Variants in CALN1 observed in about 807,000 individuals in gnomAD.
The protein encoded by CALN1 is calneuron 1.
In CALN1, 17 loss-of-function variants were observed where a neutral mutation model predicts 30.6. The observed-to-expected ratio is 0.56, with a 90% CI of 0.38 to 0.83. CALN1 has a LOEUF of 0.83. CALN1 is among the 40% of genes least tolerant of loss of function. CALN1 has a pLI of 0.00. For synonymous variants in CALN1, 156 were observed against 131.4 expected (o/e 1.19, Z -1.28); for missense variants, 291 against 354.9 (o/e 0.82, Z 1.45).
intron 2 of CALN1, among the ~76,000 whole-genome samples, chr7:72,397,751 C>CACACACACACACACACACACACA (rs869209266): frequency 6.8e-6 from 1 of 147,498 alleles, no homozygotes; most frequent in Non-Finnish European, 1.5e-5. Context: ...CACACACACA[C>CACACACACACACACACACACACA]CTTGCTCCAA....
intron 3 of CALN1, among the ~76,000 whole-genome samples, chr7:72,229,000 A>G (rs896447063): frequency 5.0e-4 from 74 of 149,394 alleles, no homozygotes; most frequent in African/African-American, 1.8e-3. Context: ...CTGGTCTTGA[A>G]CTCCTGGGCT....
chr7:71,899,875 T>C (rs922543748), intron 5 of CALN1, among the ~76,000 whole-genome samples: 1 of 152,188 alleles, frequency 6.6e-6, no homozygotes, highest in Non-Finnish European at 1.5e-5. Flanking sequence ...GAAATTCTCA[T>C]CACATAAATA....
At chr7:72,225,739 C>T (rs1793625285) in intron 3 of CALN1, among the ~76,000 whole-genome samples, 1 of 152,132 alleles carries the variant, frequency 6.6e-6, no homozygotes, top group African/African-American at 2.4e-5. Flanking sequence ...TTTCTGAGCT[C>T]CTAGCGAGTA....
chr7:71,831,890 A>C (rs1789304150), intron 5 of CALN1, among the ~76,000 whole-genome samples: 1 of 149,918 alleles, frequency 6.7e-6, no homozygotes, highest in Admixed American at 6.7e-5. Context: ...AAAAAAAAAA[A>C]AAAAAAACAA....
chr7:72,412,650 C>T (rs1185612398), upstream of CALN1, among the ~76,000 whole-genome samples: 2 of 152,230 alleles, frequency 1.3e-5, no homozygotes, highest in African/African-American at 4.8e-5. Context: ...GGAGGAGCAG[C>T]CCCAGCCCTT....
At chr7:71,838,760 A>G (rs1789765662) in intron 5 of CALN1, among the ~76,000 whole-genome samples, 1 of 152,048 alleles carries the variant, frequency 6.6e-6, no homozygotes, top group Non-Finnish European at 1.5e-5. Context: ...ATGGTTTTAT[A>G]AGGGGCTTTT....
intron 5 of CALN1, among the ~76,000 whole-genome samples, chr7:71,921,666 C>T (rs572144785): frequency 3.3e-4 from 51 of 152,240 alleles, no homozygotes; most frequent in African/African-American, 9.9e-4. Context: ...ATATCTACCA[C>T]GTTAGGATTA....
At chr7:72,417,631 A>G (rs1032606926) in intron 1 of CALN1, among the ~76,000 whole-genome samples, 1 of 152,248 alleles carries the variant, frequency 6.6e-6, no homozygotes, top group African/African-American at 2.4e-5. Context: ...GTTCAATCCA[A>G]TAGACTGAAA....
At chr7:72,109,900 C>T (rs1194430329) in intron 3 of CALN1, among the ~76,000 whole-genome samples, 2 of 138,312 alleles carry the variant, frequency 1.4e-5, no homozygotes, top group Admixed American at 7.3e-5. Flanking sequence ...GGTGTGATGT[C>T]CTTCCAGCCT....
At chr7:72,228,312 A>G (rs1052990494) in intron 3 of CALN1, among the ~76,000 whole-genome samples, 8 of 150,662 alleles carry the variant, frequency 5.3e-5, no homozygotes, top group African/African-American at 2.4e-5. Flanking sequence ...ATGTAACTCC[A>G]CTCCTGAGCT....
Position 71,837,243 on chromosome 7 carries a change from CAAAAAA to C in CALN1, c.502-26757_502-26752del, listed in dbSNP as rs55977265. On this transcript the variant is annotated intron_variant, in intron 5 of 6. Coordinates refer to ENST00000395275, the MANE Select transcript of CALN1 (RefSeq NM_031468.4). ...CGAAACTCCATCTCAAAAAAAAAGA[CAAAAAA>C]AAAAAAAAAAAAAAAAGCCACAAAG... Among the ~76,000 whole-genome samples the C allele has an allele frequency of 6.6e-4, 52 of 79,132 alleles. 1 individual carries two copies. Among genetic ancestry groups the C allele is most frequent in the Middle Eastern group, 0.01 (1 of 96 alleles). 51.9% of individuals were successfully genotyped at this position (79,132 alleles called of 152,430 possible). A position where few individuals can be genotyped will look rare whatever the true frequency, so the allele number is the denominator to read the frequency against.
chr7:72,081,497 A>C (rs1049644609), intron 4 of CALN1, among the ~76,000 whole-genome samples: 1 of 149,754 alleles, frequency 6.7e-6, no homozygotes. Context: ...ATCATAGCTC[A>C]CTACAGCCTC....
intron 2 of CALN1, among the ~76,000 whole-genome samples, chr7:72,311,458 T>C (rs936280089): frequency 1.3e-5 from 2 of 151,908 alleles, no homozygotes; most frequent in African/African-American, 4.8e-5. Flanking sequence ...TGTGGAAGGA[T>C]CAACTGTATT....
At chr7:72,295,188 A>G (rs1798766966) in intron 2 of CALN1, among the ~76,000 whole-genome samples, 1 of 152,242 alleles carries the variant, frequency 6.6e-6, no homozygotes, top group Non-Finnish European at 1.5e-5. Context: ...AATAGAAGCC[A>G]AAATTGAAAA....
chr7:72,128,972 A>G (rs193255130), intron 3 of CALN1, among the ~76,000 whole-genome samples: 1 of 152,340 alleles, frequency 6.6e-6, no homozygotes, highest in East Asian at 1.9e-4. Flanking sequence ...TATGTTACAA[A>G]AGAGGAGCTA....
At chr7:71,872,048 T>C (rs1054866191) in intron 5 of CALN1, among the ~76,000 whole-genome samples, 1 of 152,014 alleles carries the variant, frequency 6.6e-6, no homozygotes, top group Admixed American at 6.6e-5. Flanking sequence ...TTTAATGTTA[T>C]TTAGTTTTAA....
intron 2 of CALN1, among the ~76,000 whole-genome samples, chr7:72,368,170 T>C (rs904661514): frequency 3.3e-5 from 5 of 151,386 alleles, no homozygotes; most frequent in African/African-American, 1.2e-4. Context: ...TATATATATG[T>C]GTATATATGT....
chr7:72,038,312 A>G (rs1801925241), intron 4 of CALN1, among the ~76,000 whole-genome samples: 1 of 152,134 alleles, frequency 6.6e-6, no homozygotes, highest in African/African-American at 2.4e-5. Context: ...CATGGACTCC[A>G]GAATTCCCAT....
intron 5 of CALN1, among the ~76,000 whole-genome samples, chr7:72,004,129 G>A (rs1018310274): frequency 1.3e-5 from 2 of 151,624 alleles, no homozygotes; most frequent in East Asian, 3.9e-4. Context: ...CTGATATTAA[G>A]TCTTACTATA....
Sources: allele counts gnomAD v4.1 joint callset (sites outside exome capture counted in the v4.1 genomes callset), GRCh38; gene constraint gnomAD v4.1.1; transcripts MANE v1.5; gene names NCBI Gene and HGNC (gene_info 2026-07-23, HGNC 2026-07-21).